Variants in DYDC2 observed in about 807,000 individuals in gnomAD.
DYDC2 encodes DPY30 domain-containing protein 2.
Under a neutral mutation model 18.7 loss-of-function variants are expected in DYDC2, and 19 were observed. The observed-to-expected ratio is 1.02, with a 90% CI of 0.71 to 1.49. The LOEUF (loss-of-function observed/expected upper bound fraction) is 1.49. DYDC2 is among the 40% of genes most tolerant of loss of function. The pLI is 0.00. For missense variants in DYDC2, 179 were observed against 205.1 expected (o/e 0.87, Z 0.78); for synonymous variants, 63 against 67.6 (o/e 0.93, Z 0.34).
At chr10:80,357,437 G>A (rs576501269) in intron 1 of DYDC2, among the ~76,000 whole-genome samples, 1 of 152,096 alleles carries the variant, frequency 6.6e-6, no homozygotes, top group African/African-American at 2.4e-5. Flanking sequence ...CTGGCAGCCC[G>A]GCATGCTCTG....
At chr10:80,353,698 G>A (rs931767872), upstream of DYDC2, among the ~76,000 whole-genome samples, 13 of 151,642 alleles carry the variant, frequency 8.6e-5, no homozygotes, top group Non-Finnish European at 1.5e-4. Flanking sequence ...GTGTGATCCT[G>A]AACTGTGCAC....
At chr10:80,358,851 G>A (rs914267177) in intron 2 of DYDC2, among the ~76,000 whole-genome samples, 1 of 152,150 alleles carries the variant, frequency 6.6e-6, no homozygotes, top group South Asian at 2.1e-4. Context: ...GGCGTGTCCA[G>A]AGTTCGTTCC....
chr10:80,362,204 C>A (rs983397971), intron 2 of DYDC2, among the ~76,000 whole-genome samples: 1 of 152,196 alleles, frequency 6.6e-6, no homozygotes, highest in African/African-American at 2.4e-5. Flanking sequence ...AATGTGTCAA[C>A]TTCAGGAATA....
rs1032729095 is a variant in DYDC2 at position 80,346,444 on chromosome 10, CTTTTTTTTTTTT to C, written c.-310+1645_-310+1656del. Among the ~76,000 whole-genome samples, 315 of 83,374 alleles carry C rather than the reference CTTTTTTTTTTTT, an allele frequency of 3.8e-3. 5 individuals carry two copies. Among genetic ancestry groups the C allele is most frequent in the African/African-American group, 0.014 (291 of 20,130 alleles). The allele number at this position is 83,374 out of a possible 152,430, so 54.7% of individuals were successfully genotyped here. A position where few individuals can be genotyped will look rare whatever the true frequency, so the allele number is the denominator to read the frequency against. ...TCACCAATGTGTGTCTCTTCCCTTT[CTTTTTTTTTTTT>C]TTTTTTTTTTTTTTTCTTTTTTGAG... On this transcript the variant is annotated intron_variant, in intron 1 of 4. Coordinates refer to the DYDC2 transcript ENST00000372197.
intron 1 of DYDC2, 96 bp downstream of exon 1, chr10:80,356,921 C>T: frequency 8.9e-6 from 8 of 895,198 alleles, no homozygotes; most frequent in East Asian, 1.3e-4. Context: ...GTAGAGGGGG[C>T]GCGGCAGAGT....
In DYDC2 at chr10:80,346,444, C is replaced by CTTTTTTT. The variant is rs1032729095; in HGVS notation, c.-310+1650_-310+1656dup. On this transcript the variant is annotated intron_variant, in intron 1 of 4. Coordinates refer to the DYDC2 transcript ENST00000372197. ...TCACCAATGTGTGTCTCTTCCCTTT[C>CTTTTTTT]TTTTTTTTTTTTTTTTTTTTTTTTT... Among the ~76,000 whole-genome samples, 734 of 83,350 alleles carry CTTTTTTT rather than the reference C, an allele frequency of 8.8e-3. 37 individuals are homozygous for CTTTTTTT. Among genetic ancestry groups the CTTTTTTT allele is most frequent in the East Asian group, 0.02 (48 of 2,410 alleles). The allele number at this position is 83,350 out of a possible 152,430, so 54.7% of individuals were successfully genotyped here.
intron 2 of DYDC2, 27 bp from the exon 3 acceptor site, chr10:80,362,408 G>A (rs747999809): frequency 2.5e-6 from 4 of 1,597,216 alleles, no homozygotes; most frequent in South Asian, 1.1e-5. Context: ...TTGTAAAATA[G>A]TGTGACTTTG....
chr10:80,356,557 TCGGGAGCCCCAGGCGCGAAG>T, upstream of DYDC2: 1 of 985,462 alleles, frequency 1.0e-6, no homozygotes, highest in Non-Finnish European at 1.2e-6. Flanking sequence ...CTGGCCGCTT[TCGGGAGCCCCAGGCGCGAAG>T]CGGCCTCTCT....
At position 80,356,784 on chromosome 10, in the gene DYDC2, A is replaced by AGCCAGTGTAGGC; in HGVS notation, c.-200_-189dup. ...AGGCAACGAGAGCTCGCGCCTCAGG[A>AGCCAGTGTAGGC]GCCAGTGTAGGCGCCGCAAAGCGGA... On this transcript the variant is annotated 5_prime_UTR_variant, in exon 1 of 5. Coordinates refer to ENST00000256039, the MANE Select transcript of DYDC2 (RefSeq NM_032372.6). 1 of 985,560 alleles carries AGCCAGTGTAGGC rather than the reference A, an allele frequency of 1.0e-6. No homozygotes were observed. The highest frequency in any genetic ancestry group is 1.2e-6 in the Non-Finnish European group (1 of 830,078). The allele number at this position is 985,560 out of a possible 1,614,324, so 61.1% of individuals were successfully genotyped here. A position where few individuals can be genotyped will look rare whatever the true frequency, so the allele number is the denominator to read the frequency against.
chr10:80,366,283 G>A (rs906833101), intron 4 of DYDC2, among the ~76,000 whole-genome samples: 14 of 151,784 alleles, frequency 9.2e-5, no homozygotes, highest in Non-Finnish European at 1.6e-4. Context: ...CACCCACCTC[G>A]GCCTCCCAAA....
At chr10:80,350,047 T>G (rs1321829216) in intron 1 of DYDC2, among the ~76,000 whole-genome samples, 1 of 152,206 alleles carries the variant, frequency 6.6e-6, no homozygotes, top group Non-Finnish European at 1.5e-5. Flanking sequence ...GAGGCCTCTC[T>G]GTTTTTCTTC....
chr10:80,366,905 A>C lies in DYDC2; in HGVS notation c.488A>C (p.His163Pro). The stretch of plus-strand genomic sequence containing the variant: ...ATAAATTACAAGGAGGCTTTTCAGC[A>C]TGAAGTTGCTCATGAAATGCCTCCT... ...QEINYKEAFQ[H>P]EVAHEMPPGS... Residue 163 changes from histidine to proline, a missense_variant, in exon 5 of 5, where the codon CAT becomes CCT. Physicochemically the swap from His to Pro is moderately conservative, Grantham distance 77. Coordinates refer to ENST00000256039, the MANE Select transcript of DYDC2 (RefSeq NM_032372.6). 6.2e-7 allele frequency: 1 copy of C among 1,614,044 alleles called. No individual in the cohort carries two copies. Among genetic ancestry groups the C allele is most frequent in the Non-Finnish European group, 8.5e-7 (1 of 1,179,952 alleles).
At position 80,356,785 on chromosome 10, in the gene DYDC2, G is replaced by A. The variant is rs1843399493; in HGVS notation, c.-203G>A. On this transcript the variant is annotated 5_prime_UTR_variant, in exon 1 of 5. Transcript: ENST00000256039. Reference sequence around the variant, plus strand: ...GGCAACGAGAGCTCGCGCCTCAGGAGCCAGTGTAGGCGCCGCAAAGCGGAA... The same window carrying A: ...GGCAACGAGAGCTCGCGCCTCAGGAACCAGTGTAGGCGCCGCAAAGCGGAA... The A allele has an allele frequency of 1.0e-6, 1 of 985,526 alleles. No individual in the cohort carries two copies. The highest frequency in any genetic ancestry group is 1.2e-6 in the Non-Finnish European group (1 of 830,106). 61.0% of individuals were successfully genotyped at this position (985,526 alleles called of 1,614,324 possible).
intron 4 of DYDC2, among the ~76,000 whole-genome samples, chr10:80,365,771 A>T (rs1176602976): frequency 1.3e-5 from 2 of 152,160 alleles, no homozygotes; most frequent in Admixed American, 1.3e-4. Flanking sequence ...ATAAACCTTC[A>T]TGTTTACTGA....
intron 2 of DYDC2, among the ~76,000 whole-genome samples, 163 bp downstream of exon 2, chr10:80,358,208 T>G (rs1843504767): frequency 6.6e-6 from 1 of 151,984 alleles, no homozygotes; most frequent in South Asian, 2.1e-4. Context: ...AGAAACCCCA[T>G]CTCTACTAAA....
chr10:80,362,742 C>A, intron 3 of DYDC2, 152 bp downstream of exon 3: 1 of 1,368,566 alleles, frequency 7.3e-7, no homozygotes. Flanking sequence ...GCATGGGGAT[C>A]CTGGGGGCTA....
chr10:80,362,357 G>A, intron 2 of DYDC2, 78 bp from the exon 3 acceptor site: 1 of 1,517,640 alleles, frequency 6.6e-7, no homozygotes, highest in Non-Finnish European at 8.9e-7. Context: ...AAATAAATCT[G>A]AATTGGTTAG....
upstream of DYDC2, among the ~76,000 whole-genome samples, chr10:80,354,119 T>TAC (rs1843185919): frequency 7.1e-6 from 1 of 141,528 alleles, no homozygotes; most frequent in Non-Finnish European, 1.5e-5. Flanking sequence ...CTGTCTCATA[T>TAC]ATAAAAAAAA....
upstream of DYDC2, among the ~76,000 whole-genome samples, chr10:80,355,392 C>G (rs1462258651): frequency 6.6e-6 from 1 of 151,922 alleles, no homozygotes; most frequent in Non-Finnish European, 1.5e-5. Flanking sequence ...GGTGGGAGGG[C>G]AAAATGGTAT....
Sources: allele counts gnomAD v4.1 joint callset (sites outside exome capture counted in the v4.1 genomes callset), GRCh38; gene constraint gnomAD v4.1.1; transcripts MANE v1.5; gene names NCBI Gene and HGNC (gene_info 2026-07-23, HGNC 2026-07-21).